FAT4: variants seen among roughly 807,000 people sequenced by gnomAD.
FAT4 encodes the protein protocadherin Fat 4.
FAT4 carries 84 observed loss-of-function variants against 303.9 expected under a neutral mutation model. That is an observed-to-expected ratio of 0.28 (90% CI 0.23 to 0.33). The LOEUF is 0.33. Ranked by LOEUF, FAT4 falls within the 10% of genes least tolerant of loss-of-function variation. The pLI is 1.00. For synonymous variants in FAT4, 2,307 were observed against 2,298.8 expected (o/e 1.00, Z -0.10); for missense variants, 6,005 against 6,146.8 (o/e 0.98, Z 0.77).
At chr4:125,327,500 C>G (rs1407388755) in intron 2 of FAT4, among the ~76,000 whole-genome samples, 2 of 151,762 alleles carry the variant, frequency 1.3e-5, no homozygotes, top group Admixed American at 6.6e-5. Context: ...TTGTTTCTTC[C>G]CTATTGGTAT....
rs1730655939 is a variant in FAT4, at chr4:125,317,325, T to C, written c.914T>C (p.Ile305Thr). Residue 305 changes from isoleucine to threonine, a missense_variant, in exon 2 of 18, where the codon ATC (isoleucine) becomes ACC (threonine). Ile to Thr is a moderately conservative substitution (Grantham distance 89). Coordinates refer to ENST00000394329, the MANE Select transcript of FAT4 (RefSeq NM_001291303.3). This position sits in a 1 kb window ranked among gnomAD's most constrained non-coding sequence, Gnocchi z 7.0. ...PFQMDPETGL[I>T]TVREPLDFEA... ...CAAATGGACCCTGAGACGGGACTTA[T>C]CACGGTGCGGGAGCCCCTGGACTTC... The C allele has an allele frequency of 1.2e-6, 2 of 1,609,498 alleles. No homozygotes were observed. Among genetic ancestry groups the C allele is most frequent in the Non-Finnish European group, 1.7e-6 (2 of 1,177,046 alleles).
At chr4:125,377,249 T>C (rs1733366186) in intron 2 of FAT4, among the ~76,000 whole-genome samples, 1 of 152,108 alleles carries the variant, frequency 6.6e-6, no homozygotes, top group East Asian at 1.9e-4. Context: ...GGATTTTCAA[T>C]GAGGAAAAGA....
At chr4:125,454,646 CA>C (rs200858609) in intron 10 of FAT4, among the ~76,000 whole-genome samples, 3,251 of 152,204 alleles carry the variant, frequency 0.021, 122 homozygotes, top group African/African-American at 0.075. Context: ...CCAGCCTGTC[CA>C]ACATGGTGAA....
chr4:125,421,830 T>C (rs967477563), intron 7 of FAT4, among the ~76,000 whole-genome samples: 3 of 152,176 alleles, frequency 2.0e-5, no homozygotes, highest in Non-Finnish European at 2.9e-5. Flanking sequence ...ACCCAGGTAG[T>C]AGCAAAGTCA....
chr4:125,471,627 CTTTA>C (rs1348513590), intron 12 of FAT4, among the ~76,000 whole-genome samples: 2 of 151,596 alleles, frequency 1.3e-5, no homozygotes, highest in Admixed American at 6.6e-5. Context: ...ATTTTTTATT[CTTTA>C]TTTATCTTCA....
chr4:125,382,050 A>G (rs923947287), intron 2 of FAT4, among the ~76,000 whole-genome samples: 5 of 152,168 alleles, frequency 3.3e-5, no homozygotes, highest in African/African-American at 4.8e-5. Context: ...TTTTCTTGCT[A>G]TGTCTACCAC....
At position 125,321,517 on chromosome 4, in the gene FAT4, A is replaced by G. The variant is rs1469133802; in HGVS notation, c.5106A>G (p.Ala1702=). ...TAAILDREQG[A]CLYLVDVYAI... ...CCATTCTGGACCGGGAGCAAGGAGCATGTCTTTACCTGGTGGATGTTTATG... is the reference window on the plus strand; with the variant it reads ...CCATTCTGGACCGGGAGCAAGGAGCGTGTCTTTACCTGGTGGATGTTTATG... The change falls in exon 2 of 18, where the codon GCA becomes GCG. Residue 1702 remains alanine, a synonymous_variant. Coordinates refer to ENST00000394329, the MANE Select transcript of FAT4 (RefSeq NM_001291303.3). The G allele has an allele frequency of 1.2e-6, 2 of 1,613,982 alleles. No individual in the cohort carries two copies. The highest frequency in any genetic ancestry group is 1.7e-6 in the Non-Finnish European group (2 of 1,179,970).
In FAT4 at chr4:125,451,185, C is replaced by T. The variant is rs1392316485; in HGVS notation, c.10175C>T (p.Thr3392Ile). Residue 3392 changes from threonine (T) to isoleucine (I), a missense_variant, in exon 10 of 18, where the codon ACT becomes ATT. By Grantham distance (89) the Thr-to-Ile change is moderately conservative. Transcript: ENST00000394329. ...SIRGADIDEV[T>I]VNVTVLDAND... ...AGAGGTGCAGATATAGATGAGGTCA[C>T]TGTAAATGTCACCGTGCTTGATGCA... 6.2e-7 allele frequency: 1 copy of T among 1,614,120 alleles called. No homozygotes were observed. The highest frequency in any genetic ancestry group is 1.1e-5 in the South Asian group (1 of 91,086).
intron 2 of FAT4, among the ~76,000 whole-genome samples, chr4:125,349,479 G>A (rs1380001802): frequency 6.6e-6 from 1 of 151,586 alleles, no homozygotes; most frequent in Non-Finnish European, 1.5e-5. Flanking sequence ...TTTGTTTACT[G>A]TGTTTCTCAT....
At chr4:125,363,175 T>C (rs1203831138) in intron 2 of FAT4, among the ~76,000 whole-genome samples, 1 of 152,086 alleles carries the variant, frequency 6.6e-6, no homozygotes, top group Non-Finnish European at 1.5e-5. Context: ...TCCTTAGGAA[T>C]AAATGCATAA....
chr4:125,442,972 C>CTTTACA (rs1343005194), intron 8 of FAT4, among the ~76,000 whole-genome samples: 2 of 152,108 alleles, frequency 1.3e-5, no homozygotes, highest in Admixed American at 1.3e-4. Context: ...ATGACCTCCA[C>CTTTACA]TTTACAGATA....
At chr4:125,351,407 C>T (rs937741871) in intron 2 of FAT4, among the ~76,000 whole-genome samples, 1 of 151,700 alleles carries the variant, frequency 6.6e-6, no homozygotes, top group Non-Finnish European at 1.5e-5. Context: ...ACTAGCAAAA[C>T]AGAATTTCAA....
intron 7 of FAT4, among the ~76,000 whole-genome samples, chr4:125,427,685 C>A (rs1421724087): frequency 6.6e-6 from 1 of 151,988 alleles, no homozygotes; most frequent in East Asian, 1.9e-4. Context: ...AATGAGTTTA[C>A]TTCATGGGGA....
chr4:125,320,535 C>G lies in FAT4; in HGVS notation c.4124C>G (p.Ala1375Gly). ...ISPNTGSIFL[A>G]KKLDFETQSL... ...CCAAACACTGGGAGTATTTTTCTTG[C>G]CAAAAAACTGGACTTTGAAACACAG... The change falls in exon 2 of 18, where the codon GCC becomes GGC. Residue 1375 changes from alanine (A) to glycine (G), a missense_variant. By Grantham distance (60) the Ala-to-Gly change is moderately conservative. Transcript: ENST00000394329. 1 of 1,613,718 alleles carries G rather than the reference C, an allele frequency of 6.2e-7. No individual in the cohort carries two copies.
At chr4:125,483,797 A>G (rs1399430717) in intron 16 of FAT4, among the ~76,000 whole-genome samples, 1 of 152,038 alleles carries the variant, frequency 6.6e-6, no homozygotes, top group Non-Finnish European at 1.5e-5. Flanking sequence ...AACTAAGTAA[A>G]CCAAAAGAAA....
intron 2 of FAT4, among the ~76,000 whole-genome samples, chr4:125,360,215 G>A (rs568945165): frequency 1.3e-5 from 2 of 152,206 alleles, no homozygotes; most frequent in African/African-American, 4.8e-5. Flanking sequence ...CACTACTCCA[G>A]GAATTAACAC....
intron 2 of FAT4, among the ~76,000 whole-genome samples, chr4:125,322,227 A>G (rs1169548664): frequency 6.6e-6 from 1 of 152,168 alleles, no homozygotes; most frequent in Non-Finnish European, 1.5e-5. Context: ...CTCTTAAATT[A>G]AGGCATGCAA....
chr4:125,365,741 A>G (rs1010219236), intron 2 of FAT4, among the ~76,000 whole-genome samples: 5 of 152,240 alleles, frequency 3.3e-5, no homozygotes, highest in African/African-American at 1.2e-4. Flanking sequence ...GACTAAAACT[A>G]GTATGGGAAA....
chr4:125,341,794 C>T (rs1477123637), intron 2 of FAT4, among the ~76,000 whole-genome samples: 1 of 152,000 alleles, frequency 6.6e-6, no homozygotes, highest in Non-Finnish European at 1.5e-5. Context: ...ATCTGGAGCA[C>T]TTCTGCATAA....
Sources: gnomAD v4.1 joint callset for allele counts (sites outside exome capture counted in the v4.1 genomes callset) on GRCh38, gnomAD v4.1.1 for gene constraint, Gnocchi (gnomAD v3.1) non-coding constraint, MANE v1.5 for transcripts, NCBI Gene and HGNC (gene_info 2026-07-23, HGNC 2026-07-21) for gene names.